SUGCT: variants seen among roughly 807,000 people sequenced by gnomAD.
SUGCT encodes succinyl-CoA:glutarate-CoA transferase.
Under a neutral mutation model 55.0 loss-of-function variants are expected in SUGCT, and 41 were observed. The observed-to-expected ratio is 0.74, with a 90% CI of 0.58 to 0.97. The LOEUF is 0.97. Ranked by LOEUF, SUGCT falls within the 50% of genes least tolerant of loss-of-function variation. The pLI, the probability that SUGCT is intolerant of heterozygous loss-of-function variation, is 0.00. For synonymous variants in SUGCT, 187 were observed against 200.4 expected, an observed-to-expected ratio of 0.93 and a Z score of 0.56; for missense variants, 568 against 547.8, an observed-to-expected ratio of 1.04 and a Z score of -0.37.
chr7:40,579,969 G>GT (rs1423945456), intron 12 of SUGCT, among the ~76,000 whole-genome samples: 19 of 152,102 alleles, frequency 1.2e-4, no homozygotes, highest in Non-Finnish European at 2.6e-4. Flanking sequence ...AGAGATAACT[G>GT]TAAAGTAACT....
intron 9 of SUGCT, among the ~76,000 whole-genome samples, chr7:40,362,429 C>G: frequency 6.6e-6 from 1 of 151,626 alleles, no homozygotes; most frequent in Non-Finnish European, 1.5e-5. Flanking sequence ...CGCCGCTCCC[C>G]CCTCAAAAAA....
the SUGCT span, among the ~76,000 whole-genome samples, chr7:40,997,492 A>T: frequency 6.6e-6 from 1 of 152,064 alleles, no homozygotes; most frequent in Non-Finnish European, 1.5e-5. Flanking sequence ...CTCATGGTTC[A>T]CTTACCACCA....
chr7:40,890,798 A>G, the SUGCT span, among the ~76,000 whole-genome samples: 1 of 152,326 alleles, frequency 6.6e-6, no homozygotes, highest in Non-Finnish European at 1.5e-5. Flanking sequence ...AAGGAACAAA[A>G]TGAAGTACCA....
At chr7:40,906,442 G>A in the SUGCT span, among the ~76,000 whole-genome samples, 2 of 152,172 alleles carry the variant, frequency 1.3e-5, no homozygotes, top group Non-Finnish European at 2.9e-5. Flanking sequence ...GAAAAATAAT[G>A]TGTAATTTTT....
At chr7:40,506,731 T>C (rs1792621808) in intron 12 of SUGCT, among the ~76,000 whole-genome samples, 1 of 152,180 alleles carries the variant, frequency 6.6e-6, no homozygotes, top group Non-Finnish European at 1.5e-5. Context: ...ATCTTTTTTG[T>C]CTGTGTTCTG....
At chr7:40,893,279 C>A in the SUGCT span, among the ~76,000 whole-genome samples, 200 of 152,218 alleles carry the variant, frequency 1.3e-3, 3 homozygotes, top group East Asian at 0.033. Context: ...GAGAGAAAAC[C>A]AGTAAGGAAA....
chr7:40,509,199 G>A (rs1380046147), intron 12 of SUGCT, among the ~76,000 whole-genome samples: 4 of 152,190 alleles, frequency 2.6e-5, no homozygotes, highest in Admixed American at 6.5e-5. Context: ...TGATTCATAA[G>A]CAACTTTATA....
chr7:40,798,338 CT>C (rs1234398822), intron 13 of SUGCT, among the ~76,000 whole-genome samples: 3 of 152,144 alleles, frequency 2.0e-5, no homozygotes, highest in Non-Finnish European at 2.9e-5. Flanking sequence ...AACTCTGGCT[CT>C]TTTGATACAA....
At chr7:40,934,557 A>G in the SUGCT span, among the ~76,000 whole-genome samples, 60,615 of 152,136 alleles carry the variant, frequency 0.4, 12,511 homozygotes, top group African/African-American at 0.51. Context: ...GGTGGAATCT[A>G]TAGAGGCAGT....
the SUGCT span, among the ~76,000 whole-genome samples, chr7:40,890,995 G>C: frequency 3.9e-4 from 59 of 152,104 alleles, 2 homozygotes; most frequent in East Asian, 0.011. Flanking sequence ...AAAATTTCTA[G>C]AATTTAAGAG....
At chr7:40,730,341 A>C (rs1485101237) in intron 12 of SUGCT, among the ~76,000 whole-genome samples, 1 of 152,168 alleles carries the variant, frequency 6.6e-6, no homozygotes, top group Non-Finnish European at 1.5e-5. Context: ...TCCTGACCTC[A>C]AGTGATCCAC....
intron 2 of SUGCT, among the ~76,000 whole-genome samples, chr7:40,181,751 A>G (rs956218543): frequency 2.6e-5 from 4 of 151,886 alleles, no homozygotes; most frequent in African/African-American, 9.7e-5. Flanking sequence ...GTCTCCAAAA[A>G]AAAAAAAAAG....
the SUGCT span, among the ~76,000 whole-genome samples, chr7:41,020,774 G>A: frequency 3.3e-5 from 5 of 152,152 alleles, no homozygotes; most frequent in African/African-American, 1.2e-4. Flanking sequence ...ACAAATTCTG[G>A]ATAAGTCATA....
chr7:40,749,935 C>T (rs769617001), intron 13 of SUGCT, among the ~76,000 whole-genome samples: 28 of 152,164 alleles, frequency 1.8e-4, no homozygotes, highest in African/African-American at 9.7e-5. Flanking sequence ...CTTTCAGAAC[C>T]GTGGTTTAAG....
chr7:40,146,226 G>A (rs1379564130), intron 1 of SUGCT, among the ~76,000 whole-genome samples: 2 of 151,838 alleles, frequency 1.3e-5, no homozygotes, highest in African/African-American at 4.8e-5. Context: ...GAATGCATTT[G>A]GGCCATCCGC....
At chr7:40,892,015 A>T in the SUGCT span, among the ~76,000 whole-genome samples, 1 of 152,142 alleles carries the variant, frequency 6.6e-6, no homozygotes, top group Non-Finnish European at 1.5e-5. Flanking sequence ...TCAACAAAAA[A>T]AAAAGAATAT....
intron 12 of SUGCT, among the ~76,000 whole-genome samples, chr7:40,673,756 A>G (rs573165474): frequency 1.3e-5 from 2 of 152,292 alleles, no homozygotes; most frequent in Non-Finnish European, 2.9e-5. Flanking sequence ...TTTTTCATGA[A>G]CAAAAACCAG....
At chr7:40,161,585 C>G (rs543529404) in intron 1 of SUGCT, among the ~76,000 whole-genome samples, 1 of 152,346 alleles carries the variant, frequency 6.6e-6, no homozygotes, top group East Asian at 1.9e-4. Flanking sequence ...CTAAAGTCTT[C>G]CTTTTGGTCA....
At chr7:40,646,329 A>G (rs1415836306) in intron 12 of SUGCT, among the ~76,000 whole-genome samples, 4 of 152,058 alleles carry the variant, frequency 2.6e-5, no homozygotes, top group African/African-American at 4.8e-5. Flanking sequence ...TCTATTTTCT[A>G]TCTGTTTTTC....
Sources: allele counts gnomAD v4.1 joint callset (sites outside exome capture counted in the v4.1 genomes callset), GRCh38; gene constraint gnomAD v4.1.1; transcripts MANE v1.5; gene names NCBI Gene and HGNC (gene_info 2026-07-23, HGNC 2026-07-21).